Variants in MINDY4B observed in about 807,000 individuals in gnomAD.
The protein encoded by MINDY4B is MINDY family member 4B, also known as inactive ubiquitin carboxyl-terminal hydrolase MINDY-4B.
MINDY4B carries 25 observed loss-of-function variants against 16.7 expected under a neutral mutation model. The ratio of observed to expected loss-of-function variants is 1.49; its 90% CI spans 1.09 to 2.09. The LOEUF (loss-of-function observed/expected upper bound fraction) is 2.09. Ranked by LOEUF, MINDY4B falls within the 30% of genes most tolerant of loss-of-function variation. The pLI, the probability that MINDY4B is intolerant of heterozygous loss-of-function variation, is 0.00. For missense variants in MINDY4B, 327 were observed against 168.4 expected (o/e 1.94, Z -5.21); for synonymous variants, 132 against 61.9 (o/e 2.13, Z -5.32).
intron 3 of MINDY4B, among the ~76,000 whole-genome samples, chr3:150,897,987 A>T (rs1450631049): frequency 1.3e-5 from 2 of 152,242 alleles, no homozygotes; most frequent in East Asian, 3.8e-4. Context: ...AAGAAGCCCC[A>T]GTTCTGCTCC....
intron 10 of MINDY4B, among the ~76,000 whole-genome samples, chr3:150,878,506 A>C (rs989185578): frequency 1.3e-5 from 2 of 152,210 alleles, no homozygotes; most frequent in South Asian, 2.1e-4. Context: ...TTAGTGTACA[A>C]TTTCAGGCAA....
intron 9 of MINDY4B, among the ~76,000 whole-genome samples, chr3:150,883,346 A>G (rs1387072383): frequency 1.3e-5 from 2 of 152,196 alleles, no homozygotes; most frequent in Non-Finnish European, 2.9e-5. Context: ...TTGTGATTTA[A>G]GAAGCATGAA....
intron 3 of MINDY4B, among the ~76,000 whole-genome samples, chr3:150,897,203 C>T (rs1450059482): frequency 6.6e-6 from 1 of 152,142 alleles, no homozygotes; most frequent in Non-Finnish European, 1.5e-5. Flanking sequence ...ACATGCCACA[C>T]ACCAGCCTGT....
intron 9 of MINDY4B, 24 bp from the exon 10 acceptor site, chr3:150,883,082 C>T (rs1464402026): frequency 1.2e-5 from 8 of 648,702 alleles, no homozygotes; most frequent in African/African-American, 1.1e-4. Context: ...TTTACAGATA[C>T]TTATATTTTA....
At chr3:150,874,304 G>A (rs1457870994) in intron 10 of MINDY4B, among the ~76,000 whole-genome samples, 3 of 152,084 alleles carry the variant, frequency 2.0e-5, no homozygotes, top group African/African-American at 7.2e-5. Flanking sequence ...ACCTGGCCTG[G>A]CCTTGAATTC....
intron 3 of MINDY4B, among the ~76,000 whole-genome samples, chr3:150,901,796 C>G (rs1180900522): frequency 6.6e-6 from 1 of 152,066 alleles, no homozygotes; most frequent in Non-Finnish European, 1.5e-5. Flanking sequence ...GCTGGGATTC[C>G]AGATGTGAGC....
Position 150,898,803 on chromosome 3 carries a change from C to G in MINDY4B, c.309+4446G>C, listed in dbSNP as rs1712042034. 2.6e-5 allele frequency among the ~76,000 whole-genome samples: 4 copies of G among 152,152 alleles called. No homozygotes were observed. In the South Asian group the frequency reaches 8.3e-4, roughly 32 times the overall value. On this transcript the variant is annotated intron_variant, in intron 3 of 11. Coordinates refer to ENST00000465419, the MANE Select transcript of MINDY4B (RefSeq NM_001351281.2). Reference sequence around the variant, plus strand: ...ATCATTTAGACACACACATTTTATACACACATTCAAAGATAGAGGCCCTGA... The same window carrying G: ...ATCATTTAGACACACACATTTTATAGACACATTCAAAGATAGAGGCCCTGA...
At chr3:150,891,453 G>C (rs1029657749) in intron 5 of MINDY4B, among the ~76,000 whole-genome samples, 5 of 151,840 alleles carry the variant, frequency 3.3e-5, no homozygotes, top group African/African-American at 1.2e-4. Flanking sequence ...GTCTAGCTCT[G>C]TGGTGATACA....
chr3:150,880,662 CTTTCTAG>C (rs1711514930), intron 10 of MINDY4B, among the ~76,000 whole-genome samples: 1 of 152,144 alleles, frequency 6.6e-6, no homozygotes, highest in Non-Finnish European at 1.5e-5. Flanking sequence ...TGTTTTAAGT[CTTTCTAG>C]TTTATAGCGA....
rs1010672445 is a variant in MINDY4B, at chr3:150,890,977, C to T, written c.648G>A (p.Ala216=). 1.3e-5 allele frequency: 9 copies of T among 702,844 alleles called. No individual in the cohort carries two copies. Among genetic ancestry groups the T allele is most frequent in the Non-Finnish European group, 2.3e-5 (9 of 384,842 alleles). The allele number at this position is 702,844 out of a possible 1,614,324, so 43.5% of individuals were successfully genotyped here. A position where few individuals can be genotyped will look rare whatever the true frequency, so the allele number is the denominator to read the frequency against. Reference sequence around the variant, plus strand: ...TGTCCACAGAGTAGTCCGGAGTCGACGCAACGTAAATGTCCTCAGTGACAA... The same window carrying T: ...TGTCCACAGAGTAGTCCGGAGTCGATGCAACGTAAATGTCCTCAGTGACAA... ...ICLVTEDIYV[A]STPDYSVDNF... is the part of the protein sequence containing the mutation. Residue 216 remains alanine, a synonymous_variant, in exon 6 of 12, where the codon GCG becomes GCA. Coordinates refer to ENST00000465419, the MANE Select transcript of MINDY4B (RefSeq NM_001351281.2).
chr3:150,882,874 G>A (rs1203613871), intron 10 of MINDY4B, 23 bp downstream of exon 10: 2 of 689,392 alleles, frequency 2.9e-6, no homozygotes, highest in East Asian at 2.7e-5. Flanking sequence ...TGGTTGTGTG[G>A]TTGAGGACTG....
At position 150,883,071 on chromosome 3, in the gene MINDY4B, T is replaced by C. The variant is rs1261834318; in HGVS notation, c.898-13A>G. ...TGTTCAGAACTGCCTAGAGAGCATA[T>C]TTTACAGATACTTATATTTTAGATA... is the stretch of plus-strand genomic sequence containing the variant. On this transcript the variant is annotated splice_polypyrimidine_tract_variant and intron_variant, in intron 9 of 11. Transcript: ENST00000465419. 1.5e-6 allele frequency: 1 copy of C among 679,604 alleles called. No individual in the cohort carries two copies. Among genetic ancestry groups the C allele is most frequent in the Non-Finnish European group, 2.7e-6 (1 of 373,158 alleles). 42.1% of individuals were successfully genotyped at this position (679,604 alleles called of 1,614,324 possible). A position where few individuals can be genotyped will look rare whatever the true frequency, so the allele number is the denominator to read the frequency against.
intron 10 of MINDY4B, among the ~76,000 whole-genome samples, chr3:150,875,142 G>A (rs1034143613): frequency 2.0e-5 from 3 of 152,214 alleles, no homozygotes; most frequent in Admixed American, 2.0e-4. Flanking sequence ...ATAAAACAGT[G>A]AAGATGTACC....
intron 10 of MINDY4B, among the ~76,000 whole-genome samples, chr3:150,875,763 C>T (rs1444859589): frequency 2.0e-5 from 3 of 152,050 alleles, no homozygotes; most frequent in Non-Finnish European, 2.9e-5. Flanking sequence ...TCTGATGAAA[C>T]GGGAAATGTC....
At chr3:150,904,740 A>G (rs1430269910) in intron 2 of MINDY4B, among the ~76,000 whole-genome samples, 1 of 152,258 alleles carries the variant, frequency 6.6e-6, no homozygotes, top group African/African-American at 2.4e-5. Context: ...CTTCAGGGAC[A>G]CAGAAGCACT....
chr3:150,877,479 T>C (rs369722369), intron 10 of MINDY4B, among the ~76,000 whole-genome samples: 4 of 152,160 alleles, frequency 2.6e-5, no homozygotes, highest in Non-Finnish European at 4.4e-5. Flanking sequence ...TTGAGTAAAC[T>C]TCTGTTCTGC....
chr3:150,905,225 A>T, intron 1 of MINDY4B, 102 bp downstream of exon 1: 1 of 398,234 alleles, frequency 2.5e-6, no homozygotes, highest in Non-Finnish European at 4.4e-6. Context: ...TTAAAGGTAA[A>T]TCTATAAAGG....
intron 4 of MINDY4B, among the ~76,000 whole-genome samples, chr3:150,893,847 T>C (rs1041069986): frequency 6.6e-6 from 1 of 152,014 alleles, no homozygotes; most frequent in African/African-American, 2.4e-5. Context: ...TGCACCACCA[T>C]ACCCAGCTAA....
At position 150,880,498 on chromosome 3, in the gene MINDY4B, C is replaced by T. The variant is rs1241072393; in HGVS notation, c.1059+2399G>A. ...AGGAAAAAAAATCAGCACATCAAGCCCATGGCATCTATTTCTGCTGCAGAA... is the reference window on the plus strand; with the variant it reads ...AGGAAAAAAAATCAGCACATCAAGCTCATGGCATCTATTTCTGCTGCAGAA... On this transcript the variant is annotated intron_variant, in intron 10 of 11. Coordinates refer to ENST00000465419, the MANE Select transcript of MINDY4B (RefSeq NM_001351281.2). 2.6e-5 allele frequency among the ~76,000 whole-genome samples: 4 copies of T among 152,178 alleles called. No homozygotes were observed. The East Asian group carries it at 7.7e-4, about 29-fold the overall frequency.
Sources: gnomAD v4.1 joint callset for allele counts (sites outside exome capture counted in the v4.1 genomes callset) on GRCh38, gnomAD v4.1.1 for gene constraint, MANE v1.5 for transcripts, NCBI Gene and HGNC (gene_info 2026-07-23, HGNC 2026-07-21) for gene names.